The following ROBO1 variants were observed in gnomAD, a reference collection of about 807,000 sequenced individuals.
ROBO1 encodes the protein roundabout guidance receptor 1, also known as roundabout homolog 1.
ROBO1 carries 149 observed loss-of-function variants against 195.9 expected under a neutral mutation model. That is an observed-to-expected ratio of 0.76 (90% CI 0.67 to 0.87). The LOEUF (loss-of-function observed/expected upper bound fraction) is 0.87, where lower values mean the gene tolerates loss of function less well. Among genes scored for constraint, ROBO1 ranks in the 40% least tolerant of loss-of-function variants. ROBO1 has a pLI of 0.00. For missense variants in ROBO1, 1,933 were observed against 2,068.3 expected (o/e 0.93, Z 1.27); for synonymous variants, 816 against 733.2 (o/e 1.11, Z -1.82).
chr3:78,800,290 T>C (rs1195313181), intron 4 of ROBO1, among the ~76,000 whole-genome samples: 1 of 152,208 alleles, frequency 6.6e-6, no homozygotes, highest in African/African-American at 2.4e-5. Flanking sequence ...TACCAAGATC[T>C]GATCACTGGT....
chr3:79,646,280 AC>A, intron 1 of ROBO1, among the ~76,000 whole-genome samples: 1 of 152,314 alleles, frequency 6.6e-6, no homozygotes. Flanking sequence ...AAAAGAAGAC[AC>A]ACAAATGTCC....
chr3:79,292,668 C>T (rs905129066), intron 2 of ROBO1, among the ~76,000 whole-genome samples: 10 of 151,940 alleles, frequency 6.6e-5, no homozygotes, highest in African/African-American at 9.7e-5. Flanking sequence ...GTTTACATTA[C>T]GGATTATGTT....
chr3:79,348,632 T>G (rs2035224673), intron 2 of ROBO1, among the ~76,000 whole-genome samples: 1 of 152,190 alleles, frequency 6.6e-6, no homozygotes, highest in African/African-American at 2.4e-5. Flanking sequence ...GCACATTAAA[T>G]AATAAATAAT....
At chr3:79,116,271 C>T (rs1283661316) in intron 3 of ROBO1, among the ~76,000 whole-genome samples, 1 of 151,578 alleles carries the variant, frequency 6.6e-6, no homozygotes, top group Non-Finnish European at 1.5e-5. Flanking sequence ...CCCTTCCTTC[C>T]TTCCTTTCTT....
chr3:79,194,328 T>G (rs2081592279), intron 2 of ROBO1, among the ~76,000 whole-genome samples: 2 of 151,728 alleles, frequency 1.3e-5, no homozygotes. Flanking sequence ...ACACTTCCAG[T>G]GTGGGCAGTC....
intron 3 of ROBO1, among the ~76,000 whole-genome samples, chr3:78,940,270 G>A (rs9880690): frequency 0.097 from 14,792 of 151,946 alleles, 1,694 homozygotes; most frequent in African/African-American, 0.28. Context: ...ACCATCACAA[G>A]TCCAACTACC....
intron 1 of ROBO1, among the ~76,000 whole-genome samples, chr3:79,749,900 C>T (rs529089448): frequency 1.3e-5 from 2 of 152,212 alleles, no homozygotes; most frequent in African/African-American, 2.4e-5. Context: ...CACAGAGTCC[C>T]TACTGGTGCA....
At chr3:79,465,736 C>T (rs1375902217) in intron 2 of ROBO1, among the ~76,000 whole-genome samples, 1 of 151,974 alleles carries the variant, frequency 6.6e-6, no homozygotes, top group Non-Finnish European at 1.5e-5. Context: ...CTAAATTCTC[C>T]AGACTCACAA....
At chr3:78,614,982 G>GA (rs1704030619) in intron 27 of ROBO1, among the ~76,000 whole-genome samples, 182 bp from the exon 28 acceptor site, 2 of 151,986 alleles carry the variant, frequency 1.3e-5, no homozygotes, top group South Asian at 2.1e-4. Flanking sequence ...CTATTTACTG[G>GA]AAAAAATACC....
intron 4 of ROBO1, among the ~76,000 whole-genome samples, chr3:78,789,771 T>C (rs140930415): frequency 6.6e-6 from 1 of 152,284 alleles, no homozygotes; most frequent in African/African-American, 2.4e-5. Context: ...GACTTTTAGT[T>C]CATTAATCTA....
intron 2 of ROBO1, among the ~76,000 whole-genome samples, chr3:79,330,557 G>A (rs143865494): frequency 6.7e-4 from 100 of 149,692 alleles, no homozygotes; most frequent in African/African-American, 2.2e-3. Context: ...ACACAGAACT[G>A]CTTTTTTTCA....
In ROBO1 at chr3:78,953,113, T is replaced by C. The variant is rs572096907; in HGVS notation, c.173-14186A>G. Among the ~76,000 whole-genome samples, 64 of 152,142 alleles carry C rather than the reference T, an allele frequency of 4.2e-4. 2 individuals are homozygous for C. Among genetic ancestry groups the C allele is most frequent in the African/African-American group, 1.5e-3 (62 of 41,532 alleles). On this transcript the variant is annotated intron_variant, in intron 3 of 30. Transcript: ENST00000464233. ...AAGAATTTTGCCTCCCCTCTCCCATTGTTAATAATACATAGACAACTAAGT... is the reference window on the plus strand; with the variant it reads ...AAGAATTTTGCCTCCCCTCTCCCATCGTTAATAATACATAGACAACTAAGT...
intron 2 of ROBO1, among the ~76,000 whole-genome samples, chr3:79,353,533 A>G (rs1004487021): frequency 2.0e-5 from 3 of 152,092 alleles, no homozygotes; most frequent in Admixed American, 1.3e-4. Context: ...TGAGATGTTC[A>G]GTATGGTTGT....
chr3:79,569,643 ATATG>A (rs929462013), intron 2 of ROBO1, among the ~76,000 whole-genome samples: 1 of 117,300 alleles, frequency 8.5e-6, no homozygotes, highest in African/African-American at 4.5e-5. Flanking sequence ...ATATGTATAG[ATATG>A]TGTGTGTGTG....
At chr3:79,661,100 C>G (rs894414478) in intron 1 of ROBO1, among the ~76,000 whole-genome samples, 3 of 151,994 alleles carry the variant, frequency 2.0e-5, no homozygotes, top group African/African-American at 4.8e-5. Flanking sequence ...TGCTCACTAC[C>G]CATACGCCCC....
intron 1 of ROBO1, among the ~76,000 whole-genome samples, chr3:79,639,862 A>C (rs1005999022): frequency 1.3e-4 from 20 of 152,184 alleles, no homozygotes; most frequent in Admixed American, 6.5e-5. Flanking sequence ...TTGAGGTAAT[A>C]CCCTTTTTAT....
chr3:79,646,452 T>A (rs1945824864), intron 1 of ROBO1, among the ~76,000 whole-genome samples: 2 of 152,248 alleles, frequency 1.3e-5, no homozygotes, highest in Middle Eastern at 3.4e-3. Context: ...TCTTGTACAC[T>A]GTTGGGAATG....
chr3:78,709,832 C>CTT (rs1375670345), intron 8 of ROBO1, among the ~76,000 whole-genome samples: 1 of 152,150 alleles, frequency 6.6e-6, no homozygotes, highest in Non-Finnish European at 1.5e-5. Flanking sequence ...AACAGTCACT[C>CTT]TTAGAGATAA....
chr3:78,661,530 A>C (rs76623012), intron 15 of ROBO1, among the ~76,000 whole-genome samples: 2,924 of 152,284 alleles, frequency 0.019, 91 homozygotes, highest in African/African-American at 0.065. Context: ...CTTTTGATAA[A>C]AATTTCGGTG....
Sources: allele counts gnomAD v4.1 joint callset (sites outside exome capture counted in the v4.1 genomes callset), GRCh38; gene constraint gnomAD v4.1.1; transcripts MANE v1.5; gene names NCBI Gene and HGNC (gene_info 2026-07-23, HGNC 2026-07-21).